CDH12: variants seen among roughly 807,000 people sequenced by gnomAD.
The protein encoded by CDH12 is cadherin 12.
In CDH12, 41 loss-of-function variants were observed where a neutral mutation model predicts 74.1. That is an observed-to-expected ratio of 0.55 (90% confidence interval 0.43 to 0.72). CDH12 has a LOEUF of 0.72. Among genes scored for constraint, CDH12 ranks in the 30% least tolerant of loss-of-function variants. The pLI, the probability that CDH12 is intolerant of heterozygous loss-of-function variation, is 0.00. For missense variants in CDH12, 945 were observed against 977.2 expected (o/e 0.97, Z 0.44); for synonymous variants, 399 against 355.0 (o/e 1.12, Z -1.39).
intron 1 of CDH12, among the ~76,000 whole-genome samples, chr5:22,582,055 AC>A (rs1212618026): frequency 1.3e-5 from 2 of 152,140 alleles, no homozygotes; most frequent in Admixed American, 6.5e-5. Context: ...ATTAAAAAAA[AC>A]AATATGTTTG....
intron 3 of CDH12, among the ~76,000 whole-genome samples, chr5:22,309,590 CGT>C (rs1181220500): frequency 6.6e-6 from 1 of 151,940 alleles, no homozygotes; most frequent in Non-Finnish European, 1.5e-5. Flanking sequence ...TGTGTATGTG[CGT>C]GTGTGTGCTA....
At position 22,757,476 on chromosome 5, in the gene CDH12, G is replaced by C. The variant is rs558309260; in HGVS notation, c.-523+95582C>G. ...AACTAGTAATGGTTAGTTATATATA[G>C]TATAAAATGGTATATGGGATTATCA... On this transcript the variant is annotated intron_variant, in intron 1 of 14. Coordinates refer to ENST00000382254, the MANE Select transcript of CDH12 (RefSeq NM_004061.5). Among the ~76,000 whole-genome samples, 27 of 152,180 alleles carry C rather than the reference G, an allele frequency of 1.8e-4. No individual in the cohort carries two copies. The East Asian group carries it at 4.0e-3, about 23-fold the overall frequency.
At chr5:22,555,121 C>A (rs1327712088) in intron 1 of CDH12, among the ~76,000 whole-genome samples, 1 of 152,048 alleles carries the variant, frequency 6.6e-6, no homozygotes, top group African/African-American at 2.4e-5. Flanking sequence ...CGCATAATAT[C>A]ATTTTCCTTC....
intron 1 of CDH12, among the ~76,000 whole-genome samples, chr5:22,561,754 G>C (rs1041362040): frequency 6.6e-6 from 1 of 152,132 alleles, no homozygotes; most frequent in Non-Finnish European, 1.5e-5. Flanking sequence ...AAATTGCATA[G>C]AGAGTGCAAA....
intron 5 of CDH12, among the ~76,000 whole-genome samples, chr5:22,027,391 A>G (rs1738439170): frequency 1.3e-5 from 2 of 152,270 alleles, no homozygotes; most frequent in South Asian, 4.1e-4. Flanking sequence ...AAGGAATGGT[A>G]CCAGTTCCTC....
Position 22,178,924 on chromosome 5 carries a change from T to C in CDH12, c.-187+33574A>G, listed in dbSNP as rs540720975. On this transcript the variant is annotated intron_variant, in intron 4 of 14. Transcript: ENST00000382254. ...TTGAAAATCTCTTTAATATTTTAACTCTGAAAAGACAGACTTGCACAATGG... is the reference window on the plus strand; with the variant it reads ...TTGAAAATCTCTTTAATATTTTAACCCTGAAAAGACAGACTTGCACAATGG... 2.3e-4 allele frequency among the ~76,000 whole-genome samples: 35 copies of C among 152,384 alleles called. No individual in the cohort carries two copies. The South Asian group carries it at 6.8e-3, about 30-fold the overall frequency.
At chr5:22,210,339 T>A (rs1334781085) in intron 4 of CDH12, among the ~76,000 whole-genome samples, 5 of 142,584 alleles carry the variant, frequency 3.5e-5, no homozygotes, top group Admixed American at 3.0e-4. Flanking sequence ...GAATTCAATA[T>A]AGATTAAGGA....
intron 11 of CDH12, among the ~76,000 whole-genome samples, chr5:21,767,358 CT>C (rs1334931217): frequency 1.3e-5 from 2 of 151,598 alleles, no homozygotes; most frequent in Admixed American, 6.6e-5. Flanking sequence ...CCTGGTTTAT[CT>C]ATCAGAAATT....
At chr5:22,355,523 A>AAAAT (rs149384377) in intron 3 of CDH12, among the ~76,000 whole-genome samples, 7 of 84,026 alleles carry the variant, frequency 8.3e-5, no homozygotes, top group African/African-American at 2.6e-4. Flanking sequence ...TTAAAAAAAA[A>AAAAT]ATATATATAT....
chr5:21,858,816 T>C (rs76141095), intron 6 of CDH12, among the ~76,000 whole-genome samples: 8,048 of 152,014 alleles, frequency 0.053, 271 homozygotes, highest in African/African-American at 0.096. Flanking sequence ...ACCTGAATAA[T>C]TTTTTGCACT....
chr5:22,077,553 CT>C (rs1407391143), intron 5 of CDH12, among the ~76,000 whole-genome samples: 2 of 152,144 alleles, frequency 1.3e-5, no homozygotes, highest in East Asian at 1.9e-4. Context: ...ATCAATTTTT[CT>C]TTATCAAAAC....
At chr5:22,458,126 C>T (rs181315658) in intron 2 of CDH12, among the ~76,000 whole-genome samples, 8 of 152,216 alleles carry the variant, frequency 5.3e-5, no homozygotes, top group East Asian at 1.9e-4. Flanking sequence ...ATCATCCACC[C>T]GCCTTGCCCT....
intron 6 of CDH12, among the ~76,000 whole-genome samples, chr5:21,895,310 A>C (rs908926182): frequency 1.3e-5 from 2 of 152,210 alleles, no homozygotes; most frequent in African/African-American, 4.8e-5. Context: ...CTAAACCATA[A>C]ATGTAGCAAA....
At chr5:22,070,990 G>A (rs1741901340) in intron 5 of CDH12, among the ~76,000 whole-genome samples, 2 of 152,188 alleles carry the variant, frequency 1.3e-5, no homozygotes, top group South Asian at 4.1e-4. Flanking sequence ...TGGATGGGGA[G>A]GGAGAGCATC....
intron 1 of CDH12, among the ~76,000 whole-genome samples, chr5:22,816,165 G>A (rs949747815): frequency 6.6e-6 from 1 of 152,122 alleles, no homozygotes; most frequent in Non-Finnish European, 1.5e-5. Context: ...TTACTTGAAA[G>A]CTATTTCCTT....
chr5:21,952,022 G>A, intron 6 of CDH12, among the ~76,000 whole-genome samples: 1 of 152,276 alleles, frequency 6.6e-6, no homozygotes, highest in East Asian at 1.9e-4. Context: ...GGTCCACAAT[G>A]CCTGGATTTC....
chr5:22,069,214 C>G (rs1286313737), intron 5 of CDH12, among the ~76,000 whole-genome samples: 1 of 152,078 alleles, frequency 6.6e-6, no homozygotes, highest in Non-Finnish European at 1.5e-5. Context: ...AGTAATGAAC[C>G]CATGCTCATG....
intron 1 of CDH12, among the ~76,000 whole-genome samples, chr5:22,628,719 G>A (rs1330607086): frequency 2.0e-5 from 3 of 152,070 alleles, no homozygotes; most frequent in African/African-American, 2.4e-5. Flanking sequence ...CAATGTCAAA[G>A]CTAGCAGAGG....
intron 5 of CDH12, among the ~76,000 whole-genome samples, chr5:21,988,055 T>C (rs1365397676): frequency 3.3e-5 from 5 of 152,086 alleles, no homozygotes; most frequent in Non-Finnish European, 7.4e-5. Flanking sequence ...TATCACCTAT[T>C]GTATTAGTAA....
Sources: gnomAD v4.1 joint callset for allele counts (sites outside exome capture counted in the v4.1 genomes callset) on GRCh38, gnomAD v4.1.1 for gene constraint, MANE v1.5 for transcripts, NCBI Gene and HGNC (gene_info 2026-07-23, HGNC 2026-07-21) for gene names.